The following SPOCK1 variants were observed in gnomAD, a reference collection of about 807,000 sequenced individuals.
SPOCK1 encodes the protein testican-1.
Under a neutral mutation model 55.3 loss-of-function variants are expected in SPOCK1, and 23 were observed. The observed-to-expected ratio is 0.42, with a 90% confidence interval of 0.30 to 0.59. SPOCK1 has a LOEUF of 0.59. SPOCK1 is among the 20% of genes least tolerant of loss of function. The pLI is 0.22. For missense variants in SPOCK1, 499 were observed against 552.5 expected, an observed-to-expected ratio of 0.90 and a Z score of 0.97; for synonymous variants, 226 against 221.0, an observed-to-expected ratio of 1.02 and a Z score of -0.20.
At chr5:137,101,748 C>T (rs1753268638) in intron 5 of SPOCK1, among the ~76,000 whole-genome samples, 1 of 152,072 alleles carries the variant, frequency 6.6e-6, no homozygotes, top group Non-Finnish European at 1.5e-5. Context: ...CTTCAGGAGC[C>T]AAAAAGACTG....
At chr5:137,425,457 C>T (rs1297474077) in intron 2 of SPOCK1, among the ~76,000 whole-genome samples, 1 of 150,932 alleles carries the variant, frequency 6.6e-6, no homozygotes, top group Non-Finnish European at 1.5e-5. Context: ...AAATTCATCT[C>T]CAAAAAAAAA....
At chr5:137,284,453 C>T (rs1331511781) in intron 2 of SPOCK1, among the ~76,000 whole-genome samples, 2 of 152,148 alleles carry the variant, frequency 1.3e-5, no homozygotes, top group Admixed American at 6.6e-5. Context: ...ACTGAGCTTT[C>T]TGTGCTAAAA....
intron 2 of SPOCK1, among the ~76,000 whole-genome samples, chr5:137,401,835 C>T (rs1011681702): frequency 6.6e-6 from 1 of 152,082 alleles, no homozygotes; most frequent in Non-Finnish European, 1.5e-5. Context: ...GCTCATGATA[C>T]ACATATGCGT....
intron 3 of SPOCK1, among the ~76,000 whole-genome samples, chr5:137,172,578 C>A (rs575419833): frequency 1.3e-5 from 2 of 152,158 alleles, no homozygotes; most frequent in Admixed American, 6.6e-5. Flanking sequence ...ACCTTCCCAC[C>A]AGAGACACTA....
rs1453940478 is a variant in SPOCK1 at position 137,131,676 on chromosome 5, T to TA, written c.347+8903dup. On this transcript the variant is annotated intron_variant, in intron 4 of 10. Coordinates refer to ENST00000394945, the MANE Select transcript of SPOCK1 (RefSeq NM_004598.4). ...CACAGGCTCTGGTCTACCTGAATAC[T>TA]AAAAAATATCTCCCCCCCGGGTGTG... 1.1e-4 allele frequency among the ~76,000 whole-genome samples: 16 copies of TA among 145,382 alleles called. 1 individual carries two copies. Among genetic ancestry groups the TA allele is most frequent in the Admixed American group, 1.0e-3 (15 of 14,498 alleles).
chr5:137,075,414 T>C (rs1050618427), intron 5 of SPOCK1, among the ~76,000 whole-genome samples: 3 of 152,196 alleles, frequency 2.0e-5, no homozygotes, highest in Non-Finnish European at 4.4e-5. Flanking sequence ...TATTTCCTGC[T>C]GTATCCAGGC....
chr5:137,362,888 C>A (rs1750981375), intron 2 of SPOCK1, among the ~76,000 whole-genome samples: 1 of 152,198 alleles, frequency 6.6e-6, no homozygotes, highest in Admixed American at 6.5e-5. Context: ...TTAATTCCCA[C>A]AACCCTCAAG....
At chr5:137,419,736 GTC>G (rs1387110998) in intron 2 of SPOCK1, among the ~76,000 whole-genome samples, 1 of 152,184 alleles carries the variant, frequency 6.6e-6, no homozygotes, top group East Asian at 1.9e-4. Flanking sequence ...ATACAATCAT[GTC>G]ATCTGCAAAC....
chr5:137,258,010 C>A (rs1397647599), intron 3 of SPOCK1, among the ~76,000 whole-genome samples: 1 of 152,190 alleles, frequency 6.6e-6, no homozygotes, highest in Non-Finnish European at 1.5e-5. Context: ...GTGGAATAGG[C>A]AGAGACATCA....
intron 2 of SPOCK1, among the ~76,000 whole-genome samples, chr5:137,476,709 G>T (rs973356428): frequency 1.3e-5 from 2 of 152,196 alleles, no homozygotes; most frequent in Non-Finnish European, 2.9e-5. Flanking sequence ...TGGATCACTT[G>T]AGGTCAGAAG....
At chr5:137,078,242 G>A (rs1159180652) in intron 5 of SPOCK1, among the ~76,000 whole-genome samples, 1 of 151,420 alleles carries the variant, frequency 6.6e-6, no homozygotes, top group African/African-American at 2.4e-5. Flanking sequence ...AAAGGAAGAG[G>A]ATGTTCTGAG....
At chr5:137,126,570 C>G (rs1259915896) in intron 4 of SPOCK1, among the ~76,000 whole-genome samples, 1 of 152,172 alleles carries the variant, frequency 6.6e-6, no homozygotes, top group East Asian at 1.9e-4. Flanking sequence ...CGAGACCAGC[C>G]TGTACAACAT....
intron 6 of SPOCK1, among the ~76,000 whole-genome samples, chr5:137,014,875 G>A (rs1466333145): frequency 6.6e-6 from 1 of 152,192 alleles, no homozygotes; most frequent in African/African-American, 2.4e-5. Context: ...TTATCTGACA[G>A]TTATTCTGTA....
intron 3 of SPOCK1, among the ~76,000 whole-genome samples, chr5:137,171,336 G>A (rs1754751553): frequency 1.3e-5 from 2 of 152,106 alleles, no homozygotes; most frequent in African/African-American, 4.8e-5. Flanking sequence ...AGCTCCTTGG[G>A]GACCGAAAGG....
chr5:137,164,165 C>T (rs1208885256), intron 3 of SPOCK1, among the ~76,000 whole-genome samples: 1 of 152,124 alleles, frequency 6.6e-6, no homozygotes, highest in East Asian at 1.9e-4. Flanking sequence ...TTCAAAATAA[C>T]CCATTTTTCT....
At chr5:137,284,113 A>C (rs1472650211) in intron 2 of SPOCK1, among the ~76,000 whole-genome samples, 1 of 152,244 alleles carries the variant, frequency 6.6e-6, no homozygotes, top group Admixed American at 6.5e-5. Flanking sequence ...AGCTGAGGAA[A>C]CTATGGCTCA....
intron 6 of SPOCK1, among the ~76,000 whole-genome samples, chr5:136,996,335 C>A (rs185562534): frequency 6.6e-6 from 1 of 152,152 alleles, no homozygotes; most frequent in Non-Finnish European, 1.5e-5. Context: ...GGGGTCCTGG[C>A]GAGAGGAGCA....
At chr5:137,354,101 A>T (rs1750739473) in intron 2 of SPOCK1, among the ~76,000 whole-genome samples, 1 of 152,040 alleles carries the variant, frequency 6.6e-6, no homozygotes. Flanking sequence ...TGACTCCAAC[A>T]TCTTTCCACT....
At chr5:137,149,282 G>A (rs986990145) in intron 3 of SPOCK1, among the ~76,000 whole-genome samples, 1 of 152,214 alleles carries the variant, frequency 6.6e-6, no homozygotes. Flanking sequence ...AACAGGAGCT[G>A]AGAATGGCCT....
Sources: allele counts gnomAD v4.1 joint callset (sites outside exome capture counted in the v4.1 genomes callset), GRCh38; gene constraint gnomAD v4.1.1; transcripts MANE v1.5; gene names NCBI Gene and HGNC (gene_info 2026-07-23, HGNC 2026-07-21).